The following UBE2Q2 variants were observed in gnomAD, a reference collection of about 807,000 sequenced individuals.
The protein encoded by UBE2Q2 is ubiquitin-conjugating enzyme E2 Q2.
UBE2Q2 carries 54 observed loss-of-function variants against 59.9 expected under a neutral mutation model. That is an observed-to-expected ratio of 0.90 (90% CI 0.72 to 1.13). The LOEUF (loss-of-function observed/expected upper bound fraction) is 1.13. UBE2Q2 is among the 50% of genes most tolerant of loss of function. The pLI, the probability that UBE2Q2 is intolerant of heterozygous loss-of-function variation, is 0.00. For missense variants in UBE2Q2, 433 were observed against 441.9 expected, an observed-to-expected ratio of 0.98 and a Z score of 0.18; for synonymous variants, 165 against 155.2, an observed-to-expected ratio of 1.06 and a Z score of -0.47.
chr15:75,872,111 C>T (rs1234260539), intron 4 of UBE2Q2, among the ~76,000 whole-genome samples: 1 of 151,894 alleles, frequency 6.6e-6, no homozygotes, highest in East Asian at 1.9e-4. Flanking sequence ...GAGAACAGAA[C>T]GTTATAGGGC....
chr15:75,878,558 C>T (rs1898211410), intron 7 of UBE2Q2, among the ~76,000 whole-genome samples: 1 of 131,846 alleles, frequency 7.6e-6, no homozygotes, highest in African/African-American at 2.9e-5. Flanking sequence ...GATCGTATCA[C>T]TATATTCCAG....
chr15:75,860,788 T>C (rs1325900112), intron 3 of UBE2Q2, among the ~76,000 whole-genome samples: 2 of 152,200 alleles, frequency 1.3e-5, no homozygotes, highest in East Asian at 3.8e-4. Flanking sequence ...AGATGCCATC[T>C]TGAGGTTTTT....
intron 1 of UBE2Q2, among the ~76,000 whole-genome samples, chr15:75,845,041 A>G (rs1896264164): frequency 1.3e-5 from 2 of 152,074 alleles, no homozygotes; most frequent in South Asian, 2.1e-4. Flanking sequence ...TGTTCTGGGC[A>G]CTAGTGTTGC....
chr15:75,871,648 C>CTGAGTT (rs1470741601), intron 4 of UBE2Q2, among the ~76,000 whole-genome samples: 1 of 152,198 alleles, frequency 6.6e-6, no homozygotes, highest in East Asian at 1.9e-4. Flanking sequence ...CCATTTAACC[C>CTGAGTT]TGAGTTTGAC....
At chr15:75,863,734 G>C (rs886397796) in intron 3 of UBE2Q2, among the ~76,000 whole-genome samples, 19 of 151,544 alleles carry the variant, frequency 1.3e-4, no homozygotes, top group Admixed American at 1.2e-3. Flanking sequence ...CCTCCGCTTC[G>C]TGGGTTCAAG....
intron 6 of UBE2Q2, 58 bp from the exon 7 acceptor site, chr15:75,877,903 C>A (rs1898174783): frequency 4.6e-6 from 7 of 1,513,584 alleles, no homozygotes; most frequent in Admixed American, 1.8e-5. Flanking sequence ...ACATTTATAC[C>A]ATAGTAATAG....
chr15:75,843,991 A>C, intron 1 of UBE2Q2, 145 bp downstream of exon 1: 1 of 1,402,828 alleles, frequency 7.1e-7, no homozygotes, highest in Non-Finnish European at 9.2e-7. Flanking sequence ...CGACTTGCCC[A>C]TCCCAGGCCG....
At position 75,877,159 on chromosome 15, in the gene UBE2Q2, CAAAA is replaced by C. The variant is rs59289858; in HGVS notation, c.674-781_674-778del. On this transcript the variant is annotated intron_variant, in intron 6 of 12. Transcript: ENST00000267938. ...CTGGGCAGCAAGAGTGAGACTCTGT[CAAAA>C]AAAAAAAAAAAAAAAAAAAAGGGTT... Among the ~76,000 whole-genome samples, 7 of 67,684 alleles carry C rather than the reference CAAAA, an allele frequency of 1.0e-4. No homozygotes were observed. In the South Asian group the frequency reaches 3.5e-3, roughly 34 times the overall value. 44.4% of individuals were successfully genotyped at this position (67,684 alleles called of 152,430 possible).
In UBE2Q2 at chr15:75,883,422, A is replaced by G. The variant is rs766112752; in HGVS notation, c.882A>G (p.Gly294=). 1 of 1,610,996 alleles carries G rather than the reference A, an allele frequency of 6.2e-7. No individual in the cohort carries two copies. The highest frequency in any genetic ancestry group is 8.5e-7 in the Non-Finnish European group (1 of 1,178,782). The part of the protein sequence containing the change: ...FVRVVLPVLS[G]GYVLGGGALC... ...GAGTGGTGTTACCTGTTCTCTCAGG[A>G]GGGTAAGTTTAAGTGACTACTTAAA... The change falls in exon 9 of 13, where the codon GGA becomes GGG. Residue 294 remains glycine, a splice_region_variant and synonymous_variant. Coordinates refer to ENST00000267938, the MANE Select transcript of UBE2Q2 (RefSeq NM_173469.4).
chr15:75,873,308 A>G (rs1897893358), intron 4 of UBE2Q2, 120 bp from the exon 5 acceptor site: 16 of 917,156 alleles, frequency 1.7e-5, no homozygotes, highest in Non-Finnish European at 2.4e-5. Context: ...TCCCTATAGG[A>G]TAGTTACATT....
At position 75,878,038 on chromosome 15, in the gene UBE2Q2, T is replaced by C; in HGVS notation, c.734+17T>C. The C allele has an allele frequency of 6.2e-7, 1 of 1,611,482 alleles. No individual in the cohort carries two copies. The highest frequency in any genetic ancestry group is 8.5e-7 in the Non-Finnish European group (1 of 1,177,890). On this transcript the variant is annotated intron_variant, in intron 7 of 12. Coordinates refer to ENST00000267938, the MANE Select transcript of UBE2Q2 (RefSeq NM_173469.4). ...ACTGCAGAAGTAAGTGGCTTTTTAA[T>C]GCTCACCCACTCTTTGCAATGGTAG...
At chr15:75,892,730 A>T (rs1472371806) in intron 11 of UBE2Q2, among the ~76,000 whole-genome samples, 5 of 152,052 alleles carry the variant, frequency 3.3e-5, no homozygotes, top group Non-Finnish European at 5.9e-5. Context: ...AAAAACAATT[A>T]GCTGGGTATG....
In UBE2Q2 at chr15:75,896,721, A is replaced by C. The variant is rs935821537; in HGVS notation, c.1030-274A>C. Among the ~76,000 whole-genome samples the C allele has an allele frequency of 2.6e-5, 4 of 152,156 alleles. No homozygotes were observed. The South Asian group carries it at 8.3e-4, about 32-fold the overall frequency. ...TATGGAGACGGACTCTAGAACCAGA[A>C]AGCTTTGTACTTGTCCAATGGTAGG... On this transcript the variant is annotated intron_variant, in intron 11 of 12. Coordinates refer to ENST00000267938, the MANE Select transcript of UBE2Q2 (RefSeq NM_173469.4).
chr15:75,873,647 GC>G, intron 5 of UBE2Q2, 79 bp downstream of exon 5: 1 of 1,442,410 alleles, frequency 6.9e-7, no homozygotes, highest in South Asian at 1.3e-5. Flanking sequence ...TCATTAACAT[GC>G]CCATCTCAGC....
rs149913025 is a variant in UBE2Q2, at chr15:75,853,961, A to G, written c.181-425A>G. On this transcript the variant is annotated intron_variant, in intron 1 of 12. Transcript: ENST00000267938. ...CAACTGGTTTCCATCAGAGGGAGCA[A>G]TGGAAAGAGCAGGAGAAGGATGGGC... Among the ~76,000 whole-genome samples the G allele has an allele frequency of 3.2e-4, 49 of 152,296 alleles. No individual in the cohort carries two copies. In the East Asian group the frequency reaches 8.5e-3, roughly 26 times the overall value.
Position 75,854,574 on chromosome 15 carries a change from G to A in UBE2Q2, c.282+87G>A, listed in dbSNP as rs539294140. 2.4e-3 allele frequency: 1,839 copies of A among 782,402 alleles called. 10 individuals carry two copies. The highest frequency in any genetic ancestry group is 0.015 in the Middle Eastern group (58 of 3,758). 48.5% of individuals were successfully genotyped at this position (782,402 alleles called of 1,614,324 possible). On this transcript the variant is annotated intron_variant, in intron 2 of 12. Transcript: ENST00000267938. ...TGTTAAGAGATAATATGATATAAAA[G>A]CATGATTAATGATTATAATCTTGTA...
At chr15:75,870,286 C>G (rs925680681) in intron 4 of UBE2Q2, among the ~76,000 whole-genome samples, 1 of 152,138 alleles carries the variant, frequency 6.6e-6, no homozygotes, top group Admixed American at 6.5e-5. Context: ...AGGTTCATCT[C>G]GTGAACTCCT....
At chr15:75,850,206 A>G (rs1034220120) in intron 1 of UBE2Q2, among the ~76,000 whole-genome samples, 2 of 152,196 alleles carry the variant, frequency 1.3e-5, no homozygotes, top group African/African-American at 4.8e-5. Context: ...TTCTTATTGT[A>G]AGACATTAAA....
Position 75,843,722 on chromosome 15 carries a change from A to T in UBE2Q2, c.56A>T (p.Lys19Met), listed in dbSNP as rs760921017. 1 of 1,611,424 alleles carries T rather than the reference A, an allele frequency of 6.2e-7. No individual in the cohort carries two copies. Among genetic ancestry groups the T allele is most frequent in the Admixed American group, 1.7e-5 (1 of 59,898 alleles). ...ELKFLASIFD[K>M]NHERFRIVSW... ...AAGTTCCTGGCGTCCATCTTCGACA[A>T]GAACCACGAGCGATTCCGCATCGTC... Residue 19 changes from lysine to methionine, a missense_variant, in exon 1 of 13, where the codon AAG becomes ATG. Coordinates refer to ENST00000267938, the MANE Select transcript of UBE2Q2 (RefSeq NM_173469.4).
Sources: allele counts gnomAD v4.1 joint callset (sites outside exome capture counted in the v4.1 genomes callset), GRCh38; gene constraint gnomAD v4.1.1; transcripts MANE v1.5; gene names NCBI Gene and HGNC (gene_info 2026-07-23, HGNC 2026-07-21).